ARG1: variants seen among roughly 807,000 people sequenced by gnomAD.
The protein encoded by ARG1 is arginase 1, also known as arginase-1.
ARG1 carries 20 observed loss-of-function variants against 33.0 expected under a neutral mutation model. The observed-to-expected ratio is 0.61, with a 90% CI of 0.43 to 0.88. The LOEUF (loss-of-function observed/expected upper bound fraction) is 0.88. ARG1 is among the 40% of genes least tolerant of loss of function. The probability of loss-of-function intolerance (pLI) is 0.00; values close to 1 mark genes in which losing one functional copy is unlikely to be tolerated. For missense variants in ARG1, 374 were observed against 384.7 expected (o/e 0.97, Z 0.23); for synonymous variants, 146 against 140.6 (o/e 1.04, Z -0.27).
chr6:131,577,157 T>C (rs1773657657), intron 2 of ARG1, among the ~76,000 whole-genome samples: 1 of 152,222 alleles, frequency 6.6e-6, no homozygotes, highest in South Asian at 2.1e-4. Flanking sequence ...GCAGTGTGTA[T>C]ATATACATAC....
In ARG1 at chr6:131,583,929, A is replaced by C; in HGVS notation, c.*21A>C. 1 of 1,611,364 alleles carries C rather than the reference A, an allele frequency of 6.2e-7. No individual in the cohort carries two copies. The highest frequency in any genetic ancestry group is 1.1e-5 in the South Asian group (1 of 91,004). ...AGTAAATGTGGAAACATCCGATATA[A>C]ATCTCATAGTTAATGGCATAATTAG... On this transcript the variant is annotated 3_prime_UTR_variant, in exon 8 of 8. Coordinates refer to ENST00000368087, the MANE Select transcript of ARG1 (RefSeq NM_000045.4).
At chr6:131,579,389 ATATTT>A (rs1386900426) in intron 3 of ARG1, 104 bp downstream of exon 3, 3 of 1,311,366 alleles carry the variant, frequency 2.3e-6, no homozygotes, top group Non-Finnish European at 1.0e-6. Flanking sequence ...GCATTGACCT[ATATTT>A]TATATCAAAT....
rs944253301 is a variant in ARG1 at position 131,584,209 on chromosome 6, C to T, written c.*301C>T. The T allele has an allele frequency of 7.3e-5, 27 of 368,506 alleles. No homozygotes were observed. The highest frequency in any genetic ancestry group is 4.8e-4 in the African/African-American group (23 of 47,486). 22.8% of individuals were successfully genotyped at this position (368,506 alleles called of 1,614,324 possible). The stretch of plus-strand genomic sequence containing the variant: ...TTAAAAATAAGCACACTTACATAAG[C>T]CCCCATACATAGAGTGGGACTCTTG... On this transcript the variant is annotated 3_prime_UTR_variant, in exon 8 of 8. Coordinates refer to ENST00000368087, the MANE Select transcript of ARG1 (RefSeq NM_000045.4).
At chr6:131,576,138 C>T (rs2781668) in intron 1 of ARG1, among the ~76,000 whole-genome samples, 24,786 of 152,162 alleles carry the variant, frequency 0.16, 2,278 homozygotes, top group East Asian at 0.27. Flanking sequence ...TTTACTGACA[C>T]ACCCTGTCCC....
chr6:131,583,757 T>G lies in ARG1; in HGVS notation c.818T>G (p.Leu273Ter), dbSNP rs1288396873. Residue 273 changes from leucine to a stop codon, truncating the protein, a stop_gained, in exon 8 of 8, where the codon TTA (leucine) becomes TGA (stop). Transcript: ENST00000368087. LOFTEE classifies it high-confidence loss of function. ...GTTGTTGTAGGGCTACTCTCAGGAT[T>G]AGATATAATGGAAGTGAACCCATCC... ...EIYKTGLLSG[L>*]DIMEVNPSLG... 1 of 1,614,010 alleles carries G rather than the reference T, an allele frequency of 6.2e-7. No individual in the cohort carries two copies. The highest frequency in any genetic ancestry group is 8.5e-7 in the Non-Finnish European group (1 of 1,179,888).
Position 131,584,135 on chromosome 6 carries a change from C to A in ARG1, c.*227C>A. 1.8e-6 allele frequency: 1 copy of A among 543,098 alleles called. No individual in the cohort carries two copies. The highest frequency in any genetic ancestry group is 3.2e-6 in the Non-Finnish European group (1 of 312,692). The allele number at this position is 543,098 out of a possible 1,614,324, so 33.6% of individuals were successfully genotyped here. ...TTTTCTAACTTGGCAAAAGACTTAT[C>A]CTTAGAAAGAGAAGTGTACATTGAT... On this transcript the variant is annotated 3_prime_UTR_variant, in exon 8 of 8. Coordinates refer to ENST00000368087, the MANE Select transcript of ARG1 (RefSeq NM_000045.4).
chr6:131,581,114 A>C, intron 3 of ARG1, 105 bp from the exon 4 acceptor site: 1 of 1,104,078 alleles, frequency 9.1e-7, no homozygotes, highest in Non-Finnish European at 1.4e-6. Context: ...GAAATATCAG[A>C]CACTGTGACT....
At chr6:131,582,121 T>C (rs1014396867) in intron 4 of ARG1, among the ~76,000 whole-genome samples, 4 of 152,224 alleles carry the variant, frequency 2.6e-5, no homozygotes, top group African/African-American at 9.6e-5. Flanking sequence ...AAATAATGTC[T>C]TTTGAACTAA....
chr6:131,575,498 T>C (rs1392142796), intron 1 of ARG1, among the ~76,000 whole-genome samples: 1 of 152,102 alleles, frequency 6.6e-6, no homozygotes, highest in African/African-American at 2.4e-5. Context: ...AGGCAGAGGA[T>C]AGGGCGGGTC....
At chr6:131,573,442 C>A in intron 1 of ARG1, 103 bp downstream of exon 1, 2 of 1,105,036 alleles carry the variant, frequency 1.8e-6, no homozygotes, top group Non-Finnish European at 2.8e-6. Flanking sequence ...TTTTCTGATA[C>A]AATCTGGCCA....
rs561540722 is a variant in ARG1, at chr6:131,581,500, T to G, written c.465+122T>G. On this transcript the variant is annotated intron_variant, in intron 4 of 7. Transcript: ENST00000368087. ...TGGTGTAATCTCAAATCATTTTCTC[T>G]GCAGCCAATAAGCAAAGGGTTGGTT... 7.3e-4 allele frequency: 884 copies of G among 1,203,928 alleles called. 4 individuals carry two copies. The highest frequency in any genetic ancestry group is 9.5e-4 in the Non-Finnish European group (803 of 848,188). 74.6% of individuals were successfully genotyped at this position (1,203,928 alleles called of 1,614,324 possible). A position where few individuals can be genotyped will look rare whatever the true frequency, so the allele number is the denominator to read the frequency against.
chr6:131,581,100 A>G, intron 3 of ARG1, 119 bp from the exon 4 acceptor site: 1 of 964,830 alleles, frequency 1.0e-6, no homozygotes, highest in African/African-American at 1.9e-5. Context: ...TTCAGAACCT[A>G]TCAGAAATAT....
Position 131,583,811 on chromosome 6 carries a change from G to T in ARG1, c.872G>T (p.Arg291Leu). The change falls in exon 8 of 8, where the codon CGA becomes CTA. Residue 291 changes from arginine (R) to leucine (L), a missense_variant. Physicochemically the swap from Arg to Leu is moderately radical, Grantham distance 102. Coordinates refer to ENST00000368087, the MANE Select transcript of ARG1 (RefSeq NM_000045.4). ...GGGAAGACACCAGAAGAAGTAACTC[G>T]AACAGTGAACACAGCAGTTGCAATA... is the stretch of plus-strand genomic sequence containing the variant. ...SLGKTPEEVTRTVNTAVAITL... is the reference protein window; with the variant it reads ...SLGKTPEEVTLTVNTAVAITL... 6.2e-7 allele frequency: 1 copy of T among 1,614,078 alleles called. No homozygotes were observed. The highest frequency in any genetic ancestry group is 8.5e-7 in the Non-Finnish European group (1 of 1,179,964).
intron 1 of ARG1, among the ~76,000 whole-genome samples, chr6:131,575,766 G>C (rs560910218): frequency 3.9e-5 from 6 of 152,196 alleles, no homozygotes; most frequent in Non-Finnish European, 8.8e-5. Context: ...TAATTGTTCA[G>C]GGGACTGAGG....
intron 1 of ARG1, chr6:131,574,373 C>A: frequency 6.5e-7 from 1 of 1,535,606 alleles, no homozygotes; most frequent in Non-Finnish European, 9.0e-7. Flanking sequence ...TACTTTGCTT[C>A]CCCTGGAAAT....
At chr6:131,573,956 C>T (rs1334770641) in intron 1 of ARG1, 2 of 362,810 alleles carry the variant, frequency 5.5e-6, no homozygotes, top group Non-Finnish European at 1.0e-5. Flanking sequence ...AAAGAAAATC[C>T]TACTGCGGGT....
intron 7 of ARG1, 66 bp from the exon 8 acceptor site, chr6:131,583,676 C>T: frequency 6.4e-7 from 1 of 1,564,534 alleles, no homozygotes; most frequent in Non-Finnish European, 8.8e-7. Flanking sequence ...TCTTTCAAGT[C>T]TGTCTGTACT....
chr6:131,583,563 T>TC, intron 7 of ARG1, 72 bp downstream of exon 7: 1 of 1,313,866 alleles, frequency 7.6e-7, no homozygotes. Flanking sequence ...CTCCTTGACC[T>TC]GAAACCAAGT....
At chr6:131,578,046 A>G (rs1773712743) in intron 2 of ARG1, among the ~76,000 whole-genome samples, 1 of 152,188 alleles carries the variant, frequency 6.6e-6, no homozygotes, top group Admixed American at 6.5e-5. Flanking sequence ...AAGCATAGCA[A>G]AAGAAAGCAG....
Sources: allele counts gnomAD v4.1 joint callset (sites outside exome capture counted in the v4.1 genomes callset), GRCh38; gene constraint gnomAD v4.1.1; transcripts MANE v1.5; gene names NCBI Gene and HGNC (gene_info 2026-07-23, HGNC 2026-07-21).